SAMD3: variants seen among roughly 807,000 people sequenced by gnomAD.
SAMD3 encodes sterile alpha motif domain-containing protein 3.
SAMD3 carries 63 observed loss-of-function variants against 58.5 expected under a neutral mutation model. The ratio of observed to expected loss-of-function variants is 1.08; its 90% CI spans 0.88 to 1.33. SAMD3 has a LOEUF of 1.33. Ranked by LOEUF, SAMD3 falls within the 40% of genes most tolerant of loss-of-function variation. SAMD3 has a pLI of 0.00. For synonymous variants in SAMD3, 220 were observed against 210.3 expected, an observed-to-expected ratio of 1.05 and a Z score of -0.40; for missense variants, 604 against 608.4, an observed-to-expected ratio of 0.99 and a Z score of 0.08.
intron 9 of SAMD3, among the ~76,000 whole-genome samples, chr6:130,152,077 G>T (rs870815): frequency 0.22 from 33,570 of 152,034 alleles, 4,319 homozygotes; most frequent in East Asian, 0.45. Context: ...TGGAGGTGAT[G>T]GGGGGTCAGT....
intron 5 of SAMD3, among the ~76,000 whole-genome samples, chr6:130,190,005 G>A (rs192934448): frequency 2.2e-4 from 33 of 152,202 alleles, no homozygotes; most frequent in Non-Finnish European, 2.9e-4. Flanking sequence ...GCAGGATTTC[G>A]GGCAACCCAT....
intron 1 of SAMD3, among the ~76,000 whole-genome samples, chr6:130,323,779 G>A (rs1776661738): frequency 7.8e-6 from 1 of 128,696 alleles, no homozygotes; most frequent in Admixed American, 9.2e-5. Flanking sequence ...CTGCAGCCTG[G>A]GTCACAGAGG....
chr6:130,215,210 C>G lies in SAMD3; in HGVS notation c.64G>C (p.Val22Leu), dbSNP rs907355120. The change falls in exon 3 of 12, where the codon GTT becomes CTT. Residue 22 changes from valine to leucine, a missense_variant. Physicochemically the swap from Val to Leu is conservative, Grantham distance 32. Transcript: ENST00000439090. ...WLVEKNLGEL[V>L]HRFQEEEVSG... is the part of the protein sequence containing the mutation. ...AACAACTCACCTTGAAATCTATGAA[C>G]TAGCTCTCCTAAATTTTTCTCCACC... The G allele has an allele frequency of 6.3e-7, 1 of 1,597,734 alleles. No individual in the cohort carries two copies.
At chr6:130,329,175 C>T (rs1211968309) in intron 1 of SAMD3, among the ~76,000 whole-genome samples, 1 of 151,212 alleles carries the variant, frequency 6.6e-6, no homozygotes, top group Non-Finnish European at 1.5e-5. Context: ...CCATATTTTT[C>T]CAATTATCTT....
intron 2 of SAMD3, among the ~76,000 whole-genome samples, chr6:130,248,470 A>G (rs977548464): frequency 3.9e-5 from 6 of 152,094 alleles, no homozygotes; most frequent in African/African-American, 1.4e-4. Flanking sequence ...AAATCACCCT[A>G]GAGGAGTCAC....
intron 1 of SAMD3, among the ~76,000 whole-genome samples, chr6:130,348,714 T>C (rs1207339293): frequency 6.6e-6 from 1 of 152,204 alleles, no homozygotes; most frequent in East Asian, 1.9e-4. Flanking sequence ...AACTCAGCTC[T>C]GCAGCAAGCG....
intron 1 of SAMD3, among the ~76,000 whole-genome samples, chr6:130,361,641 T>A (rs1395195720): frequency 6.6e-6 from 1 of 152,260 alleles, no homozygotes; most frequent in Non-Finnish European, 1.5e-5. Context: ...ATCATGATTA[T>A]GGATGGATAA....
At chr6:130,174,656 A>T (rs79637983) in intron 8 of SAMD3, among the ~76,000 whole-genome samples, 6,889 of 152,286 alleles carry the variant, frequency 0.045, 526 homozygotes, top group African/African-American at 0.15. Flanking sequence ...AACATAAAAG[A>T]TTGCCAAATA....
intron 1 of SAMD3, among the ~76,000 whole-genome samples, chr6:130,220,093 C>T (rs1254060422): frequency 6.6e-6 from 1 of 152,190 alleles, no homozygotes; most frequent in African/African-American, 2.4e-5. Flanking sequence ...CCTCCACCTC[C>T]CGGATTCAAG....
chr6:130,153,394 T>G (rs899720058), intron 9 of SAMD3, among the ~76,000 whole-genome samples: 4 of 152,140 alleles, frequency 2.6e-5, no homozygotes, highest in Non-Finnish European at 5.9e-5. Flanking sequence ...TTGCTACTTA[T>G]GTTTCTATTA....
At chr6:130,355,355 CG>C (rs1246335534) in intron 1 of SAMD3, among the ~76,000 whole-genome samples, 1 of 152,062 alleles carries the variant, frequency 6.6e-6, no homozygotes, top group East Asian at 1.9e-4. Context: ...ACCTCTGAGG[CG>C]GAGGTTGCAA....
intron 3 of SAMD3, 138 bp from the exon 4 acceptor site, chr6:130,214,664 G>T (rs1184513872): frequency 1.7e-6 from 1 of 575,674 alleles, no homozygotes; most frequent in East Asian, 3.2e-5. Context: ...CCATATTTTT[G>T]ACAAAGATAA....
intron 1 of SAMD3, among the ~76,000 whole-genome samples, chr6:130,350,321 C>A (rs548375321): frequency 5.5e-4 from 84 of 152,184 alleles, no homozygotes; most frequent in African/African-American, 2.0e-3. Flanking sequence ...ATCTAGAAAA[C>A]CCCATCATCT....
chr6:130,168,444 AAAAC>A (rs929716853), intron 8 of SAMD3, among the ~76,000 whole-genome samples: 4 of 152,158 alleles, frequency 2.6e-5, no homozygotes, highest in Non-Finnish European at 4.4e-5. Context: ...AAAAAAACAA[AAAAC>A]AAACAAACAA....
At chr6:130,214,240 C>T in intron 4 of SAMD3, 97 bp downstream of exon 4, 1 of 971,026 alleles carries the variant, frequency 1.0e-6, no homozygotes, top group Non-Finnish European at 1.5e-6. Context: ...TGAAAACGGT[C>T]ACAGTTTTCC....
At chr6:130,309,213 ATAC>A (rs1273385398) in intron 2 of SAMD3, among the ~76,000 whole-genome samples, 1 of 152,222 alleles carries the variant, frequency 6.6e-6, no homozygotes, top group Non-Finnish European at 1.5e-5. Context: ...CAGTCAGAAA[ATAC>A]TACTACTTAC....
intron 1 of SAMD3, among the ~76,000 whole-genome samples, chr6:130,323,739 G>A (rs1776660301): frequency 6.9e-6 from 1 of 144,798 alleles, no homozygotes; most frequent in African/African-American, 2.6e-5. Flanking sequence ...GGAGGCGGAG[G>A]TTGCAGTGAG....
intron 2 of SAMD3, among the ~76,000 whole-genome samples, chr6:130,265,593 A>C (rs957161906): frequency 1.3e-4 from 20 of 152,152 alleles, no homozygotes; most frequent in African/African-American, 4.3e-4. Context: ...TGGAACCCTA[A>C]AAAGAACTTG....
intron 1 of SAMD3, among the ~76,000 whole-genome samples, chr6:130,333,089 AG>A (rs1470570167): frequency 1.6e-5 from 2 of 127,234 alleles, no homozygotes; most frequent in East Asian, 2.4e-4. Context: ...GTGTGTGTTA[AG>A]GGGGTGACAA....
Sources: gnomAD v4.1 joint callset for allele counts (sites outside exome capture counted in the v4.1 genomes callset) on GRCh38, gnomAD v4.1.1 for gene constraint, MANE v1.5 for transcripts, NCBI Gene and HGNC (gene_info 2026-07-23, HGNC 2026-07-21) for gene names.